BCOR: variants seen among roughly 807,000 people sequenced by gnomAD.
BCOR encodes the protein BCL-6 corepressor.
BCOR carries 10 observed loss-of-function variants against 86.7 expected under a neutral mutation model. The ratio of observed to expected loss-of-function variants is 0.12; its 90% CI spans 0.07 to 0.20. The LOEUF (loss-of-function observed/expected upper bound fraction) is 0.20, where lower values mean the gene tolerates loss of function less well. BCOR is among the 10% of genes least tolerant of loss of function. BCOR has a pLI of 1.00. For synonymous variants in BCOR, 611 were observed against 609.0 expected (o/e 1.00, Z -0.05); for missense variants, 1,259 against 1,452.1 (o/e 0.87, Z 2.16).
chrX:40,127,270 C>G (rs954081616), intron 1 of BCOR, among the ~76,000 whole-genome samples: 6 of 112,063 alleles, frequency 5.4e-5, no homozygotes, highest in African/African-American at 1.9e-4. Context: ...GTCTCACATA[C>G]TTGAGGATGT....
intron 10 of BCOR, among the ~76,000 whole-genome samples, chrX:40,061,121 A>G (rs368426147): frequency 1.8e-4 from 20 of 112,031 alleles, no homozygotes; most frequent in African/African-American, 6.5e-4. Context: ...CACACTTCAC[A>G]CTCAGCCTGC....
At position 40,154,053 on chromosome X, in the gene BCOR, T is replaced by C. The variant is rs770295579; in HGVS notation, c.-41+22954A>G. On this transcript the variant is annotated intron_variant, in intron 1 of 14. Coordinates refer to the BCOR transcript ENST00000342274. The stretch of plus-strand genomic sequence containing the variant: ...GGCCCGCCGCTCTAGCAGCTGAGAA[T>C]CAACAAAGGGAGGCGGCGGGGGAGG... 2.2e-4 allele frequency among the ~76,000 whole-genome samples: 25 copies of C among 111,971 alleles called. No homozygotes were observed. In the South Asian group the frequency reaches 9.3e-3, roughly 42 times the overall value.
intron 5 of BCOR, 145 bp from the exon 6 acceptor site, chrX:40,071,304 A>G (rs1935467772): frequency 1.7e-6 from 1 of 579,527 alleles, no homozygotes; most frequent in African/African-American, 2.3e-5. Flanking sequence ...CAGATATTTT[A>G]AAGTTTAACA....
intron 1 of BCOR, among the ~76,000 whole-genome samples, chrX:40,161,525 T>C (rs1938422200): frequency 1.1e-5 from 1 of 90,141 alleles, no homozygotes; most frequent in East Asian, 3.5e-4. Context: ...TTTTTTTTTT[T>C]TTTTGAGACT....
rs201595640 is a variant in BCOR at position 40,072,885 on chromosome X, C to T, written c.2461G>A (p.Val821Met). Residue 821 changes from valine to methionine, a missense_variant, in exon 4 of 15, where the codon GTG (valine) becomes ATG (methionine). Coordinates refer to ENST00000378444, the MANE Select transcript of BCOR (RefSeq NM_001123385.2). Reference protein sequence around the residue: ...EEPDAKTDTNVSKPSFAAESV... With the variant: ...EEPDAKTDTNMSKPSFAAESV... ...TCTGCTGCAAAGCTGGGTTTGGACA[C>T]GTTTGTGTCAGTTTTAGCATCTGGT... is the stretch of plus-strand genomic sequence containing the variant. 9 of 1,209,627 alleles carry T rather than the reference C, an allele frequency of 7.4e-6. No homozygotes were observed. The African/African-American group carries it at 8.8e-5, about 12-fold the overall frequency.
chrX:40,095,900 G>A (rs1936841251), intron 1 of BCOR, among the ~76,000 whole-genome samples: 1 of 112,006 alleles, frequency 8.9e-6, no homozygotes, highest in African/African-American at 3.3e-5. Context: ...CCGTCTCCGG[G>A]ACCCCGGGAA....
At position 40,064,375 on chromosome X, in the gene BCOR, C is replaced by G. The variant is rs1468710660; in HGVS notation, c.3463G>C (p.Asp1155His). 1 of 1,212,326 alleles carries G rather than the reference C, an allele frequency of 8.2e-7. No homozygotes were observed. The highest frequency in any genetic ancestry group is 3.0e-5 in the East Asian group (1 of 33,854). ...TETTAEEVPE[D>H]PLLKAKRRRV... ...CGGCGTTTGGCTTTCAGCAGAGGGT[C>G]CTCTGGCACCTCCTCCGCAGTGGTC... Residue 1155 changes from aspartate (D) to histidine (H), a missense_variant, in exon 7 of 15, where the codon GAC (aspartate) becomes CAC (histidine). By Grantham distance (81) the Asp-to-His change is moderately conservative (BLOSUM62 -1). Coordinates refer to ENST00000378444, the MANE Select transcript of BCOR (RefSeq NM_001123385.2).
rs1305316132 is a variant in BCOR at position 40,063,308 on chromosome X, AGGGCCC to A, written c.3848-243_3848-238del. ...AACGCCAAGTGGCAAGTTGCTTCAA[AGGGCCC>A]GGAAGAGAGGACAGAAGCTGGCTCT... On this transcript the variant is annotated intron_variant, in intron 8 of 14. Coordinates refer to ENST00000378444, the MANE Select transcript of BCOR (RefSeq NM_001123385.2). Among the ~76,000 whole-genome samples, 9 of 112,625 alleles carry A rather than the reference AGGGCCC, an allele frequency of 8.0e-5. No homozygotes were observed. In the Admixed American group the frequency reaches 8.4e-4, roughly 10 times the overall value.
At chrX:40,163,031 C>G (rs1336787625) in intron 1 of BCOR, among the ~76,000 whole-genome samples, 1 of 111,780 alleles carries the variant, frequency 8.9e-6, no homozygotes, top group African/African-American at 3.3e-5. Flanking sequence ...AGGGAGGGCA[C>G]AAATAGTAAG....
At chrX:40,134,491 C>T (rs773610303) in intron 1 of BCOR, among the ~76,000 whole-genome samples, 7 of 110,656 alleles carry the variant, frequency 6.3e-5, no homozygotes, top group Admixed American at 1.9e-4. Flanking sequence ...GGTGTAGTGG[C>T]GCACACCTGT....
At chrX:40,054,702 C>T (rs1934504356) in intron 12 of BCOR, among the ~76,000 whole-genome samples, 1 of 112,134 alleles carries the variant, frequency 8.9e-6, no homozygotes, top group Admixed American at 9.4e-5. Flanking sequence ...AGGGTTTTAC[C>T]ATGTTGGCCA....
At chrX:40,090,430 C>T (rs1190796302) in intron 1 of BCOR, among the ~76,000 whole-genome samples, 2 of 112,975 alleles carry the variant, frequency 1.8e-5, no homozygotes, top group Non-Finnish European at 3.8e-5. Context: ...TCCAGTCCTC[C>T]CCGGCCCCCA....
At chrX:40,122,730 G>A (rs1303309801) in intron 1 of BCOR, among the ~76,000 whole-genome samples, 1 of 111,396 alleles carries the variant, frequency 9.0e-6, no homozygotes, top group Non-Finnish European at 1.9e-5. Context: ...ATTCTTAGCA[G>A]CCTTCGGTCA....
rs2147012539 is a variant in BCOR at position 40,062,317 on chromosome X, T to C, written c.4250A>G (p.Lys1417Arg). Residue 1417 changes from lysine (K) to arginine (R), a missense_variant, in exon 10 of 15, where the codon AAG becomes AGG. This residue lies in a region of BCOR where 305 missense variants were observed against 286.1 expected (regional missense o/e 1.07). Coordinates refer to ENST00000378444, the MANE Select transcript of BCOR (RefSeq NM_001123385.2). ...CAGTTGCTGCAAGCGGTCGAAGGGC[T>C]TTGGCTCCTGCTTGGCTGGTGACAG... ...YDLSPAKQEP[K>R]PFDRLQQLLP... 8.3e-7 allele frequency: 1 copy of C among 1,209,093 alleles called. No homozygotes were observed. Among genetic ancestry groups the C allele is most frequent in the Non-Finnish European group, 1.1e-6 (1 of 894,386 alleles).
Position 40,121,207 on chromosome X carries a change from G to T in BCOR, c.-40-43238C>A, listed in dbSNP as rs1054671934. 6.2e-5 allele frequency among the ~76,000 whole-genome samples: 7 copies of T among 112,110 alleles called. No homozygotes were observed. The South Asian group carries it at 1.5e-3, about 24-fold the overall frequency. ...GCCCTCAGCCACCCTACTGGGCCCT[G>T]CCCCTCAGACCTTGGCTCTGGGCTT... On this transcript the variant is annotated intron_variant, in intron 1 of 14. Transcript: ENST00000342274.
At chrX:40,113,810 T>TTTTC (rs200935908) in intron 1 of BCOR, among the ~76,000 whole-genome samples, 3 of 109,004 alleles carry the variant, frequency 2.8e-5, no homozygotes, top group Admixed American at 9.6e-5. Flanking sequence ...AATACTTTTT[T>TTTTC]TTTCTTTCTT....
intron 10 of BCOR, among the ~76,000 whole-genome samples, chrX:40,058,819 G>A (rs1186527663): frequency 9.0e-6 from 1 of 111,526 alleles, no homozygotes; most frequent in African/African-American, 3.3e-5. Context: ...CACCTGCCCC[G>A]AGCACTGGTA....
intron 1 of BCOR, among the ~76,000 whole-genome samples, chrX:40,137,843 C>G (rs1253950394): frequency 8.9e-6 from 1 of 112,128 alleles, no homozygotes; most frequent in Admixed American, 9.5e-5. Flanking sequence ...TCTTACCGGT[C>G]TGTGGGTAAA....
At chrX:40,134,553 G>T (rs1937643357) in intron 1 of BCOR, among the ~76,000 whole-genome samples, 1 of 111,583 alleles carries the variant, frequency 9.0e-6, no homozygotes, top group Non-Finnish European at 1.9e-5. Context: ...AGCCCAGGAG[G>T]TTGAGGCTGC....
Sources: gnomAD v4.1 joint callset for allele counts (sites outside exome capture counted in the v4.1 genomes callset) on GRCh38, gnomAD v4.1.1 for gene constraint, gnomAD v4.1.1 regional missense constraint, MANE v1.5 for transcripts, NCBI Gene and HGNC (gene_info 2026-07-23, HGNC 2026-07-21) for gene names.